Variants in PDIA5 observed in about 807,000 individuals in gnomAD.
The protein encoded by PDIA5 is protein disulfide-isomerase A5.
A neutral mutation model predicts 77.6 loss-of-function variants in PDIA5; 58 were observed. That is an observed-to-expected ratio of 0.75 (90% CI 0.61 to 0.93). The LOEUF (loss-of-function observed/expected upper bound fraction) is 0.93. PDIA5 is among the 40% of genes least tolerant of loss of function. The pLI is 0.00. For missense variants in PDIA5, 630 were observed against 647.7 expected, an observed-to-expected ratio of 0.97 and a Z score of 0.30; for synonymous variants, 250 against 252.1, an observed-to-expected ratio of 0.99 and a Z score of 0.08.
chr3:123,127,367 C>T (rs899815696), intron 10 of PDIA5, among the ~76,000 whole-genome samples: 1 of 152,180 alleles, frequency 6.6e-6, no homozygotes, highest in East Asian at 1.9e-4. Context: ...TCTGAGGTTC[C>T]CCATTCATGC....
At chr3:123,142,723 C>T (rs920637217) in intron 11 of PDIA5, among the ~76,000 whole-genome samples, 5 of 152,192 alleles carry the variant, frequency 3.3e-5, no homozygotes, top group Non-Finnish European at 5.9e-5. Context: ...CTGGGGGGGC[C>T]GAGCTCAGCA....
intron 1 of PDIA5, among the ~76,000 whole-genome samples, chr3:123,072,595 C>T (rs149616138): frequency 6.6e-6 from 1 of 152,190 alleles, no homozygotes; most frequent in Non-Finnish European, 1.5e-5. Context: ...CTCTGCCAGG[C>T]TGCTGCAGAG....
rs1463199138 is a variant in PDIA5 at position 123,140,758 on chromosome 3, C to A, written c.911-4764C>A. On this transcript the variant is annotated intron_variant, in intron 11 of 16. Transcript: ENST00000316218. The stretch of plus-strand genomic sequence containing the variant: ...GGCTGCTGCGATAGAGTGTGGAAGC[C>A]CAGCACAGACAGCGAGTGCTTTCCT... 5.3e-5 allele frequency among the ~76,000 whole-genome samples: 8 copies of A among 152,268 alleles called. No individual in the cohort carries two copies. The East Asian group carries it at 1.5e-3, about 29-fold the overall frequency.
At chr3:123,151,967 T>G (rs1935917842) in intron 14 of PDIA5, among the ~76,000 whole-genome samples, 3 of 137,706 alleles carry the variant, frequency 2.2e-5, no homozygotes, top group East Asian at 2.2e-4. Context: ...CTGCCTGCCT[T>G]CCTTCCTGCC....
chr3:123,133,351 G>A (rs73197505), intron 11 of PDIA5, among the ~76,000 whole-genome samples: 4 of 152,300 alleles, frequency 2.6e-5, no homozygotes, highest in African/African-American at 4.8e-5. Flanking sequence ...GGCCAAATAC[G>A]GAGTGATTTG....
intron 13 of PDIA5, among the ~76,000 whole-genome samples, chr3:123,148,303 C>T (rs1473706173): frequency 2.0e-5 from 3 of 152,144 alleles, no homozygotes; most frequent in Non-Finnish European, 4.4e-5. Flanking sequence ...CACGGTGGCT[C>T]ATGGCTGTAA....
intron 1 of PDIA5, among the ~76,000 whole-genome samples, chr3:123,087,834 AT>A (rs954739571): frequency 2.0e-5 from 3 of 152,088 alleles, no homozygotes; most frequent in African/African-American, 7.2e-5. Flanking sequence ...CACAGTGGAG[AT>A]TTGAGCAGGA....
chr3:123,076,851 T>C (rs1933871518), intron 1 of PDIA5, among the ~76,000 whole-genome samples: 1 of 152,222 alleles, frequency 6.6e-6, no homozygotes, highest in African/African-American at 2.4e-5. Flanking sequence ...CATTAAAAGC[T>C]TTAGGGACTT....
chr3:123,141,215 C>T (rs971687151), intron 11 of PDIA5, among the ~76,000 whole-genome samples: 4 of 152,198 alleles, frequency 2.6e-5, no homozygotes, highest in Non-Finnish European at 4.4e-5. Context: ...TACTCCAGTC[C>T]CACTGTCCAT....
At chr3:123,091,215 G>C (rs577782706) in intron 2 of PDIA5, among the ~76,000 whole-genome samples, 1 of 152,234 alleles carries the variant, frequency 6.6e-6, no homozygotes, top group East Asian at 1.9e-4. Context: ...TCTCTTGAGC[G>C]ATACTTTTGT....
intron 1 of PDIA5, among the ~76,000 whole-genome samples, chr3:123,081,157 A>G (rs1030217691): frequency 5.3e-5 from 8 of 152,098 alleles, no homozygotes; most frequent in African/African-American, 1.2e-4. Flanking sequence ...GGGAAACTCA[A>G]TGGTTTCTTC....
chr3:123,093,555 A>G (rs1429663035), intron 3 of PDIA5, among the ~76,000 whole-genome samples: 1 of 152,220 alleles, frequency 6.6e-6, no homozygotes. Flanking sequence ...TGTAGGTGGC[A>G]GAAATGGGCA....
chr3:123,137,920 C>G (rs1460179582), intron 11 of PDIA5, among the ~76,000 whole-genome samples: 3 of 152,096 alleles, frequency 2.0e-5, no homozygotes, highest in Non-Finnish European at 2.9e-5. Context: ...TAATTCATCT[C>G]TATTTTTCAT....
At chr3:123,092,204 G>T (rs1934307425) in intron 2 of PDIA5, 151 bp from the exon 3 acceptor site, 2 of 640,492 alleles carry the variant, frequency 3.1e-6, no homozygotes, top group Admixed American at 2.5e-5. Context: ...TGGCACTGTT[G>T]AATGCAGGGA....
chr3:123,073,255 A>T (rs997417477), intron 1 of PDIA5, among the ~76,000 whole-genome samples: 1 of 152,220 alleles, frequency 6.6e-6, no homozygotes, highest in African/African-American at 2.4e-5. Flanking sequence ...GTGGCTGGAC[A>T]GGGAGGTGGG....
chr3:123,075,504 A>G (rs915042870), intron 1 of PDIA5, among the ~76,000 whole-genome samples: 1 of 152,212 alleles, frequency 6.6e-6, no homozygotes, highest in African/African-American at 2.4e-5. Flanking sequence ...GAGAACTGGA[A>G]GTGCCTGTAG....
chr3:123,135,018 C>G (rs566369164), intron 11 of PDIA5, among the ~76,000 whole-genome samples: 1 of 152,332 alleles, frequency 6.6e-6, no homozygotes, highest in African/African-American at 2.4e-5. Flanking sequence ...CAGCCCCAGG[C>G]CCGGTTTTCC....
intron 2 of PDIA5, among the ~76,000 whole-genome samples, chr3:123,089,566 C>T (rs1399485575): frequency 5.3e-5 from 8 of 152,202 alleles, no homozygotes; most frequent in African/African-American, 9.7e-5. Context: ...AGGGAGAGGG[C>T]GTGTGTGAAG....
At chr3:123,155,187 A>G (rs551277206) in intron 15 of PDIA5, 146 bp downstream of exon 15, 1 of 666,786 alleles carries the variant, frequency 1.5e-6, no homozygotes, top group African/African-American at 1.8e-5. Context: ...CATTCTCTTT[A>G]GAAGGAAGAT....
Sources: allele counts gnomAD v4.1 joint callset (sites outside exome capture counted in the v4.1 genomes callset), GRCh38; gene constraint gnomAD v4.1.1; transcripts MANE v1.5; gene names NCBI Gene and HGNC (gene_info 2026-07-23, HGNC 2026-07-21).